The following CLVS1 variants were observed in gnomAD, a reference collection of about 807,000 sequenced individuals.
The protein encoded by CLVS1 is clavesin 1, also known as clavesin-1.
CLVS1 carries 10 observed loss-of-function variants against 33.1 expected under a neutral mutation model. The observed-to-expected ratio is 0.30, with a 90% CI of 0.19 to 0.51. The LOEUF (loss-of-function observed/expected upper bound fraction) is 0.51, where lower values mean the gene tolerates loss of function less well. Among genes scored for constraint, CLVS1 ranks in the 20% least tolerant of loss-of-function variants. The pLI is 0.97. For synonymous variants in CLVS1, 163 were observed against 166.1 expected, an observed-to-expected ratio of 0.98 and a Z score of 0.14; for missense variants, 343 against 433.4, an observed-to-expected ratio of 0.79 and a Z score of 1.85.
intron 1 of CLVS1, among the ~76,000 whole-genome samples, chr8:61,070,955 C>A (rs890384952): frequency 1.3e-5 from 2 of 152,110 alleles, no homozygotes; most frequent in African/African-American, 2.4e-5. Context: ...GTAGGTGCAC[C>A]CTCTTCTCTC....
At chr8:61,093,041 T>C (rs761719133) in intron 1 of CLVS1, among the ~76,000 whole-genome samples, 1 of 152,122 alleles carries the variant, frequency 6.6e-6, no homozygotes, top group Non-Finnish European at 1.5e-5. Context: ...GCTCAGTAGG[T>C]AAACTCCTGG....
chr8:61,294,620 C>T (rs1240485505), intron 1 of CLVS1, among the ~76,000 whole-genome samples: 2 of 152,012 alleles, frequency 1.3e-5, no homozygotes, highest in East Asian at 3.9e-4. Context: ...TTGCAGGATC[C>T]CTGTAACAAA....
At chr8:61,386,545 A>G (rs1378945330) in intron 3 of CLVS1, among the ~76,000 whole-genome samples, 1 of 152,178 alleles carries the variant, frequency 6.6e-6, no homozygotes, top group Non-Finnish European at 1.5e-5. Context: ...TTCAGTGTGG[A>G]TGGTACCCAG....
intron 2 of CLVS1, among the ~76,000 whole-genome samples, chr8:61,149,819 C>T (rs1806492564): frequency 6.6e-6 from 1 of 152,058 alleles, no homozygotes; most frequent in Non-Finnish European, 1.5e-5. Context: ...GATTCAATGA[C>T]CCCTACAATT....
intron 1 of CLVS1, among the ~76,000 whole-genome samples, chr8:61,060,056 G>A (rs1016186463): frequency 9.2e-5 from 14 of 152,248 alleles, no homozygotes; most frequent in African/African-American, 2.6e-4. Flanking sequence ...AATGACCTTG[G>A]CAGTAGGATC....
At chr8:61,350,589 A>G (rs1293178005) in intron 2 of CLVS1, among the ~76,000 whole-genome samples, 3 of 152,202 alleles carry the variant, frequency 2.0e-5, no homozygotes, top group Admixed American at 6.6e-5. Context: ...GTACACACAC[A>G]TTCAAACAAT....
intron 2 of CLVS1, among the ~76,000 whole-genome samples, chr8:61,183,034 A>C (rs180787595): frequency 0.028 from 4,219 of 152,220 alleles, 68 homozygotes; most frequent in South Asian, 0.037. Context: ...TCCTCAGCAA[A>C]CTAACACAGG....
At chr8:61,361,173 C>T (rs1457552681) in intron 2 of CLVS1, among the ~76,000 whole-genome samples, 1 of 152,162 alleles carries the variant, frequency 6.6e-6, no homozygotes, top group African/African-American at 2.4e-5. Flanking sequence ...GAGAACTCTG[C>T]CCCCATGATA....
intron 1 of CLVS1, among the ~76,000 whole-genome samples, chr8:61,128,645 C>T (rs7817986): frequency 0.18 from 26,865 of 152,218 alleles, 2,530 homozygotes; most frequent in Admixed American, 0.3. Flanking sequence ...TGGTGCTTCT[C>T]AGCCTGGTTC....
At chr8:61,481,176 A>G (rs1462937523) in intron 5 of CLVS1, among the ~76,000 whole-genome samples, 1 of 152,164 alleles carries the variant, frequency 6.6e-6, no homozygotes, top group Non-Finnish European at 1.5e-5. Context: ...CTAATGGAAA[A>G]TGTGCAGCTG....
At chr8:61,285,701 G>A (rs1809762232), upstream of CLVS1, among the ~76,000 whole-genome samples, 1 of 152,142 alleles carries the variant, frequency 6.6e-6, no homozygotes, top group African/African-American at 2.4e-5. Flanking sequence ...TGTGTGTGTT[G>A]ACCAGTGACA....
intron 2 of CLVS1, among the ~76,000 whole-genome samples, chr8:61,231,208 T>C (rs1312289875): frequency 6.6e-6 from 1 of 152,038 alleles, no homozygotes; most frequent in Non-Finnish European, 1.5e-5. Flanking sequence ...CTGCTGCCAT[T>C]ATAAAAGCAG....
chr8:61,141,825 C>T (rs1337443127), intron 2 of CLVS1, among the ~76,000 whole-genome samples: 6 of 152,184 alleles, frequency 3.9e-5, no homozygotes, highest in Non-Finnish European at 5.9e-5. Flanking sequence ...CTGCTGGTGA[C>T]GTAGTTCCAG....
chr8:61,005,513 C>T, the CLVS1 span, among the ~76,000 whole-genome samples: 1 of 151,970 alleles, frequency 6.6e-6, no homozygotes, highest in African/African-American at 2.4e-5. Context: ...AAAAAAGCCC[C>T]CACATGGACG....
chr8:61,422,774 C>T (rs563499676), intron 3 of CLVS1, among the ~76,000 whole-genome samples: 83 of 152,280 alleles, frequency 5.5e-4, no homozygotes, highest in African/African-American at 1.9e-3. Flanking sequence ...ACTGAACAGA[C>T]TCTTTAAACC....
intron 1 of CLVS1, among the ~76,000 whole-genome samples, chr8:61,082,217 C>T (rs762391360): frequency 2.4e-4 from 36 of 151,920 alleles, no homozygotes; most frequent in Middle Eastern, 3.4e-3. Context: ...AAAGTCAGTG[C>T]GCTTAAAGAA....
At position 61,187,678 on chromosome 8, in the gene CLVS1, G is replaced by C. The variant is rs1410984692; in HGVS notation, c.-152+55818G>C. 4.0e-5 allele frequency among the ~76,000 whole-genome samples: 6 copies of C among 151,750 alleles called. No homozygotes were observed. In the East Asian group the frequency reaches 1.2e-3, roughly 29 times the overall value. ...TATATTCTATTTCCAGCAATGTCAG[G>C]CTTGGTTGCTTGGACCAGCTGTCTC... On this transcript the variant is annotated intron_variant, in intron 2 of 2. Coordinates refer to the CLVS1 transcript ENST00000522621.
intron 3 of CLVS1, among the ~76,000 whole-genome samples, chr8:61,403,766 G>A (rs761982465): frequency 6.6e-6 from 1 of 152,134 alleles, no homozygotes; most frequent in African/African-American, 2.4e-5. Context: ...TATTCCAAGT[G>A]GAAGACTTCA....
intron 1 of CLVS1, among the ~76,000 whole-genome samples, chr8:61,095,523 AG>A (rs1805337525): frequency 6.6e-6 from 1 of 152,234 alleles, no homozygotes; most frequent in South Asian, 2.1e-4. Flanking sequence ...CTGAGCGGGA[AG>A]GGTGCCTGCA....
Sources: gnomAD v4.1 joint callset for allele counts (sites outside exome capture counted in the v4.1 genomes callset) on GRCh38, gnomAD v4.1.1 for gene constraint, MANE v1.5 for transcripts, NCBI Gene and HGNC (gene_info 2026-07-23, HGNC 2026-07-21) for gene names.